Variants in CARD14 observed in about 807,000 individuals in gnomAD.
CARD14 encodes the protein caspase recruitment domain family member 14.
A neutral mutation model predicts 111.5 loss-of-function variants in CARD14; 107 were observed. The observed-to-expected ratio is 0.96, with a 90% CI of 0.82 to 1.13. CARD14 has a LOEUF of 1.13. Ranked by LOEUF, CARD14 falls within the 50% of genes most tolerant of loss-of-function variation. CARD14 has a pLI of 0.00. For missense variants in CARD14, 1,322 were observed against 1,362.3 expected (o/e 0.97, Z 0.47); for synonymous variants, 617 against 579.6 (o/e 1.06, Z -0.93).
At position 80,198,607 on chromosome 17, in the gene CARD14, C is replaced by T. The variant is rs146951890; in HGVS notation, c.1851+16C>T. The stretch of plus-strand genomic sequence containing the variant: ...GATTGTGATGGTGAGCCGTGCGAGG[C>T]CCCTCCTGTCCCCCGGGCTCCTCAT... On this transcript the variant is annotated intron_variant, in intron 16 of 23. Coordinates refer to ENST00000648509, the MANE Select transcript of CARD14 (RefSeq NM_001366385.1). This position sits in a 1 kb window ranked among gnomAD's most constrained non-coding sequence, Gnocchi z 7.5. 125 of 1,610,666 alleles carry T rather than the reference C, an allele frequency of 7.8e-5. 1 individual carries two copies. In the South Asian group the frequency reaches 8.6e-4, roughly 11 times the overall value.
At chr17:80,204,430 G>A (rs1353497839) in intron 20 of CARD14, 89 bp downstream of exon 20, 5 of 1,290,284 alleles carry the variant, frequency 3.9e-6, no homozygotes, top group Non-Finnish European at 5.3e-6. Flanking sequence ...GCTGGGGCAG[G>A]GGGATGCCAC....
chr17:80,175,527 T>G (rs2040004603), intron 2 of CARD14, among the ~76,000 whole-genome samples: 1 of 152,068 alleles, frequency 6.6e-6, no homozygotes, highest in Non-Finnish European at 1.5e-5. Context: ...CCCAGACGCC[T>G]CTGCAGGAGC....
rs1383517396 is a variant in CARD14 at position 80,208,137 on chromosome 17, G to A, written c.2808-1G>A. On this transcript the variant is annotated splice_acceptor_variant, in intron 23 of 23. Coordinates refer to ENST00000648509, the MANE Select transcript of CARD14 (RefSeq NM_001366385.1). LOFTEE classifies it high-confidence loss of function. ...GCCCCCCCCAACTCTGGCCTGTGCA[G>A]GAAGGGCCTACAGCGGTTGGGCACC... 2 of 1,535,354 alleles carry A rather than the reference G, an allele frequency of 1.3e-6. No homozygotes were observed. The highest frequency in any genetic ancestry group is 1.4e-5 in the African/African-American group (1 of 72,778).
intron 17 of CARD14, 133 bp from the exon 18 acceptor site, chr17:80,202,047 C>T (rs2041005912): frequency 1.1e-5 from 13 of 1,195,584 alleles, no homozygotes; most frequent in Non-Finnish European, 1.4e-5. Context: ...ACCTCCCACC[C>T]ACTGACTCCA....
intron 4 of CARD14, among the ~76,000 whole-genome samples, chr17:80,180,255 C>T (rs529937641): frequency 2.0e-5 from 3 of 152,250 alleles, no homozygotes; most frequent in East Asian, 1.9e-4. Context: ...GCTGTAACGG[C>T]GACCTGCTTC....
In CARD14 at chr17:80,182,079, TGGTA is replaced by T. The variant is rs1300823518; in HGVS notation, c.211+432_211+435del. Among the ~76,000 whole-genome samples the T allele has an allele frequency of 7.2e-5, 11 of 152,340 alleles. No homozygotes were observed. Among genetic ancestry groups the T allele is most frequent in the East Asian group, 5.8e-4 (3 of 5,190 alleles). ...GGGGCCATAGAAAACAGGCAGTAGG[TGGTA>T]GCTGTCAACATGATAATGTTCATGC... On this transcript the variant is annotated intron_variant, in intron 5 of 23. Transcript: ENST00000648509. This position sits in a 1 kb window ranked among gnomAD's most constrained non-coding sequence, Gnocchi z 4.7.
chr17:80,175,819 G>A (rs2040010948), intron 2 of CARD14, among the ~76,000 whole-genome samples: 1 of 151,858 alleles, frequency 6.6e-6, no homozygotes, highest in African/African-American at 2.4e-5. Context: ...TGGACCCCCA[G>A]CCCTGGCCCT....
intron 10 of CARD14, 136 bp from the exon 11 acceptor site, chr17:80,191,187 C>G (rs2144265550): frequency 1.8e-6 from 2 of 1,126,890 alleles, no homozygotes; most frequent in Non-Finnish European, 2.6e-6. Context: ...TGAAATGAAT[C>G]TTAAGTTTGC....
chr17:80,180,148 G>A (rs572604378), intron 4 of CARD14, among the ~76,000 whole-genome samples: 6 of 152,262 alleles, frequency 3.9e-5, no homozygotes, highest in Non-Finnish European at 5.9e-5. Flanking sequence ...CTCATCTCTC[G>A]CTGGGATGGG....
chr17:80,187,743 C>G (rs1342280860), intron 7 of CARD14: 1 of 985,326 alleles, frequency 1.0e-6, no homozygotes, highest in Non-Finnish European at 1.2e-6. Context: ...GCTGCCACAC[C>G]CAGGACGGGA....
intron 20 of CARD14, 68 bp from the exon 21 acceptor site, chr17:80,204,967 C>G (rs2041202853): frequency 7.3e-7 from 1 of 1,370,540 alleles, no homozygotes; most frequent in East Asian, 2.5e-5. Context: ...CCAGTCCCTC[C>G]CGGGGCAGGG....
intron 1 of CARD14, among the ~76,000 whole-genome samples, chr17:80,171,930 C>T (rs754319815): frequency 1.3e-5 from 2 of 152,240 alleles, no homozygotes; most frequent in Non-Finnish European, 2.9e-5. Context: ...CGGTCGTTGC[C>T]ACCTGGACCC....
chr17:80,189,855 G>T lies in CARD14; in HGVS notation c.946G>T (p.Glu316Ter). ...GCTGCGGGAGCGGGCCGTGGCTGCC[G>T]AGAGGCAGCGAGAGCAGGTGCCGTG... is the stretch of plus-strand genomic sequence containing the variant. ...HSLRERAVAA[E>*]RQREQYWEEK... is the part of the protein sequence containing the mutation. The change falls in exon 9 of 24, where the codon GAG becomes TAG. Residue 316 changes from glutamate to a stop codon, truncating the protein, a stop_gained. Coordinates refer to ENST00000648509, the MANE Select transcript of CARD14 (RefSeq NM_001366385.1). LOFTEE classifies it high-confidence loss of function. The surrounding 1 kb of genome is among the most constrained non-coding windows in gnomAD (Gnocchi z 4.7). 6.3e-7 allele frequency: 1 copy of T among 1,593,022 alleles called. No individual in the cohort carries two copies. Among genetic ancestry groups the T allele is most frequent in the Middle Eastern group, 1.7e-4 (1 of 5,982 alleles).
At chr17:80,179,797 G>T (rs1457164003) in intron 4 of CARD14, among the ~76,000 whole-genome samples, 2 of 152,090 alleles carry the variant, frequency 1.3e-5, no homozygotes, top group African/African-American at 2.4e-5. Context: ...ACGCTACTGC[G>T]TTCCAGCCTG....
intron 23 of CARD14, 29 bp downstream of exon 23, chr17:80,207,114 G>A: frequency 6.5e-7 from 1 of 1,541,590 alleles, no homozygotes; most frequent in Non-Finnish European, 9.0e-7. Context: ...CTGGGCAGGG[G>A]CTTCGAAGCG....
intron 7 of CARD14, among the ~76,000 whole-genome samples, chr17:80,185,173 G>A (rs972920096): frequency 9.2e-5 from 14 of 152,098 alleles, no homozygotes; most frequent in Non-Finnish European, 2.1e-4. Context: ...CCAGCCTCCC[G>A]AGTAGCTGGG....
rs370897817 is a variant in CARD14 at position 80,182,700 on chromosome 17, G to A, written c.259G>A (p.Ala87Thr). The change falls in exon 6 of 24, where the codon GCC becomes ACC. Residue 87 changes from alanine (A) to threonine (T), a missense_variant. Physicochemically the swap from Ala to Thr is moderately conservative, Grantham distance 58. Transcript: ENST00000648509. The surrounding 1 kb of genome is among the most constrained non-coding windows in gnomAD (Gnocchi z 4.7). ...GACTCGAGGGAAGAACGGGGCCATC[G>A]CCTTCCTGGAGAGCCTGAAGTTCCA... ...LKTRGKNGAI[A>T]FLESLKFHNP... 24 of 1,614,006 alleles carry A rather than the reference G, an allele frequency of 1.5e-5. No homozygotes were observed. Among genetic ancestry groups the A allele is most frequent in the African/African-American group, 4.0e-5 (3 of 74,906 alleles).
intron 11 of CARD14, among the ~76,000 whole-genome samples, chr17:80,191,981 C>T (rs769417708): frequency 6.6e-6 from 1 of 152,194 alleles, no homozygotes; most frequent in Non-Finnish European, 1.5e-5. Context: ...CCCGGGGAGG[C>T]AAAGGAGCTC....
At position 80,194,475 on chromosome 17, in the gene CARD14, G is replaced by A. The variant is rs182805934; in HGVS notation, c.1357-716G>A. On this transcript the variant is annotated intron_variant, in intron 12 of 23. Transcript: ENST00000648509. ...TTTGTCAGTGTGCACTCTGAGTGCG[G>A]CCTCCCCTCCCTAGTCACTAACTCA... 7.2e-5 allele frequency among the ~76,000 whole-genome samples: 11 copies of A among 152,320 alleles called. No homozygotes were observed. In the East Asian group the frequency reaches 1.9e-3, roughly 27 times the overall value.
Sources: gnomAD v4.1 joint callset for allele counts (sites outside exome capture counted in the v4.1 genomes callset) on GRCh38, gnomAD v4.1.1 for gene constraint, Gnocchi (gnomAD v3.1) non-coding constraint, MANE v1.5 for transcripts, NCBI Gene and HGNC (gene_info 2026-07-23, HGNC 2026-07-21) for gene names.